Variants in ADAMTS20 observed in about 807,000 individuals in gnomAD.
The protein encoded by ADAMTS20 is A disintegrin and metalloproteinase with thrombospondin motifs 20.
ADAMTS20 carries 225 observed loss-of-function variants against 260.1 expected under a neutral mutation model. The ratio of observed to expected loss-of-function variants is 0.87; its 90% CI spans 0.78 to 0.97. The LOEUF is 0.97. Ranked by LOEUF, ADAMTS20 falls within the 50% of genes least tolerant of loss-of-function variation. The probability of loss-of-function intolerance (pLI) is 0.00; values close to 1 mark genes in which losing one functional copy is unlikely to be tolerated. For synonymous variants in ADAMTS20, 802 were observed against 769.5 expected (o/e 1.04, Z -0.70); for missense variants, 2,400 against 2,337.7 (o/e 1.03, Z -0.55).
chr12:43,362,796 G>T (rs1181117870), intron 37 of ADAMTS20, among the ~76,000 whole-genome samples: 6 of 149,278 alleles, frequency 4.0e-5, no homozygotes, highest in Non-Finnish European at 8.9e-5. Flanking sequence ...CCTGCACATT[G>T]TGCACATGTA....
At chr12:43,371,024 G>C (rs1393226525) in intron 36 of ADAMTS20, among the ~76,000 whole-genome samples, 1 of 151,906 alleles carries the variant, frequency 6.6e-6, no homozygotes, top group East Asian at 1.9e-4. Flanking sequence ...TATTCCAATG[G>C]TTCCTATAAC....
chr12:43,363,719 T>C (rs1939923772), intron 37 of ADAMTS20, among the ~76,000 whole-genome samples: 1 of 152,160 alleles, frequency 6.6e-6, no homozygotes, highest in Admixed American at 6.5e-5. Context: ...TTTAGTGGTG[T>C]GTTGTTAAGA....
chr12:43,375,822 A>G (rs529458088), intron 35 of ADAMTS20, among the ~76,000 whole-genome samples: 1 of 152,336 alleles, frequency 6.6e-6, no homozygotes, highest in Admixed American at 6.5e-5. Context: ...TCTCACCCAC[A>G]GTATTCTTAG....
intron 36 of ADAMTS20, among the ~76,000 whole-genome samples, chr12:43,372,466 G>C (rs143001245): frequency 6.6e-6 from 1 of 152,276 alleles, no homozygotes; most frequent in African/African-American, 2.4e-5. Flanking sequence ...ATTGATTAGA[G>C]TATAGCATGG....
At chr12:43,477,899 A>T (rs951140102) in intron 7 of ADAMTS20, among the ~76,000 whole-genome samples, 2 of 152,106 alleles carry the variant, frequency 1.3e-5, no homozygotes, top group South Asian at 4.1e-4. Flanking sequence ...CACCCTTTGG[A>T]CTCCAACAAG....
chr12:43,467,001 C>G (rs1273789985), intron 8 of ADAMTS20, among the ~76,000 whole-genome samples: 1 of 132,666 alleles, frequency 7.5e-6, no homozygotes, highest in African/African-American at 2.6e-5. Flanking sequence ...GGCTGGTGAT[C>G]TGGCATCTGA....
At chr12:43,460,780 G>A (rs184039747) in intron 11 of ADAMTS20, among the ~76,000 whole-genome samples, 1 of 151,416 alleles carries the variant, frequency 6.6e-6, no homozygotes, top group East Asian at 2.0e-4. Context: ...CAATAATATG[G>A]ATGAAGCTTA....
At chr12:43,515,909 C>T (rs1942993838) in intron 3 of ADAMTS20, among the ~76,000 whole-genome samples, 1 of 152,048 alleles carries the variant, frequency 6.6e-6, no homozygotes, top group African/African-American at 2.4e-5. Flanking sequence ...AATAATTCAC[C>T]ATTTTTCAAA....
intron 3 of ADAMTS20, among the ~76,000 whole-genome samples, chr12:43,514,740 A>G (rs1942975827): frequency 6.6e-6 from 1 of 152,134 alleles, no homozygotes; most frequent in African/African-American, 2.4e-5. Flanking sequence ...TTCCTCTATT[A>G]TTTCTTGAAA....
chr12:43,492,483 A>G, intron 6 of ADAMTS20, 22 bp downstream of exon 6: 1 of 1,612,168 alleles, frequency 6.2e-7, no homozygotes, highest in Non-Finnish European at 8.5e-7. Flanking sequence ...TTGTATGGGA[A>G]GGGTTATTTC....
At chr12:43,435,613 C>T (rs1158139899) in intron 18 of ADAMTS20, among the ~76,000 whole-genome samples, 2 of 145,686 alleles carry the variant, frequency 1.4e-5, no homozygotes, top group Admixed American at 7.0e-5. Context: ...TGCACTCCAG[C>T]CTGGGCAACA....
intron 3 of ADAMTS20, among the ~76,000 whole-genome samples, chr12:43,514,179 T>C (rs905325577): frequency 1.3e-5 from 2 of 150,680 alleles, no homozygotes; most frequent in Admixed American, 6.6e-5. Flanking sequence ...CTTGAAATCC[T>C]GGGCTCAAGC....
At chr12:43,376,023 A>C (rs569654295) in intron 35 of ADAMTS20, 34 bp downstream of exon 35, 1 of 1,500,566 alleles carries the variant, frequency 6.7e-7, no homozygotes, top group African/African-American at 1.4e-5. Flanking sequence ...GAGGACCATG[A>C]AAATGCTCAG....
chr12:43,387,874 C>A (rs1201526532), intron 29 of ADAMTS20, among the ~76,000 whole-genome samples: 1 of 152,170 alleles, frequency 6.6e-6, no homozygotes, highest in Non-Finnish European at 1.5e-5. Context: ...GCTGATGCCC[C>A]TCCCCCCACC....
At chr12:43,537,332 G>T (rs1251196147) in intron 2 of ADAMTS20, among the ~76,000 whole-genome samples, 2 of 152,024 alleles carry the variant, frequency 1.3e-5, no homozygotes, top group Non-Finnish European at 2.9e-5. Context: ...TGGGATTACA[G>T]GCATGAGCCA....
chr12:43,539,123 T>C, intron 2 of ADAMTS20, among the ~76,000 whole-genome samples: 1 of 152,098 alleles, frequency 6.6e-6, no homozygotes, highest in South Asian at 2.1e-4. Context: ...CAGGTAATTT[T>C]TGTATTTTTA....
At chr12:43,497,793 T>C (rs1942698235) in intron 4 of ADAMTS20, among the ~76,000 whole-genome samples, 1 of 152,128 alleles carries the variant, frequency 6.6e-6, no homozygotes, top group Non-Finnish European at 1.5e-5. Context: ...CATAATTTAA[T>C]GAAAGGGTTA....
At position 43,356,600 on chromosome 12, in the gene ADAMTS20, A is replaced by T; in HGVS notation, c.5539-12T>A. The T allele has an allele frequency of 6.3e-7, 1 of 1,580,536 alleles. No homozygotes were observed. Among genetic ancestry groups the T allele is most frequent in the Non-Finnish European group, 8.6e-7 (1 of 1,157,556 alleles). On this transcript the variant is annotated splice_polypyrimidine_tract_variant and intron_variant, in intron 37 of 38. Coordinates refer to ENST00000389420, the MANE Select transcript of ADAMTS20 (RefSeq NM_025003.5). ...ATGCTAAACTGTCCCTGGATTGTAA[A>T]TAAAACAAAGAAAAATAGATGGAAT... is the stretch of plus-strand genomic sequence containing the variant.
At chr12:43,530,162 T>C (rs887093373) in intron 3 of ADAMTS20, among the ~76,000 whole-genome samples, 1 of 152,072 alleles carries the variant, frequency 6.6e-6, no homozygotes, top group African/African-American at 2.4e-5. Context: ...ATCTTTAGTA[T>C]AAAACTGTTT....
Sources: allele counts gnomAD v4.1 joint callset (sites outside exome capture counted in the v4.1 genomes callset), GRCh38; gene constraint gnomAD v4.1.1; transcripts MANE v1.5; gene names NCBI Gene and HGNC (gene_info 2026-07-23, HGNC 2026-07-21).